The following CUX2 variants were observed in gnomAD, a reference collection of about 807,000 sequenced individuals.
CUX2 encodes the protein homeobox protein cut-like 2.
Under a neutral mutation model 144.8 loss-of-function variants are expected in CUX2, and 40 were observed. The observed-to-expected ratio is 0.28, with a 90% CI of 0.21 to 0.36. CUX2 has a LOEUF of 0.36. Ranked by LOEUF, CUX2 falls within the 10% of genes least tolerant of loss-of-function variation. The pLI is 1.00. For missense variants in CUX2, 1,615 were observed against 1,994.0 expected (o/e 0.81, Z 3.62); for synonymous variants, 827 against 875.6 (o/e 0.94, Z 0.98).
chr12:111,175,718 T>C (rs1374005292), intron 1 of CUX2, among the ~76,000 whole-genome samples: 2 of 152,150 alleles, frequency 1.3e-5, no homozygotes, highest in African/African-American at 4.8e-5. Context: ...CAAGTTTTCT[T>C]TTATCCATGT....
Position 111,039,204 on chromosome 12 carries a change from G to C in CUX2, c.63+4964G>C, listed in dbSNP as rs897777024. Among the ~76,000 whole-genome samples, 1 of 152,162 alleles carries C rather than the reference G, an allele frequency of 6.6e-6. No homozygotes were observed. Among genetic ancestry groups the C allele is most frequent in the Non-Finnish European group, 1.5e-5 (1 of 68,036 alleles). On this transcript the variant is annotated intron_variant, in intron 1 of 21. Transcript: ENST00000261726. The surrounding 1 kb of genome is among the most constrained non-coding windows in gnomAD (Gnocchi z 4.2). Reference sequence around the variant, plus strand: ...AATTCAAAGGCCGGGCCTGGCAGAGGTGAAGCATTGGAAGGGGACTCAGGT... The same window carrying C: ...AATTCAAAGGCCGGGCCTGGCAGAGCTGAAGCATTGGAAGGGGACTCAGGT...
chr12:111,100,083 G>A (rs912004516), intron 1 of CUX2: 1 of 456,662 alleles, frequency 2.2e-6, no homozygotes, highest in East Asian at 7.0e-5. Flanking sequence ...TGGGAGCCTT[G>A]GACGGCTCTG....
intron 1 of CUX2, among the ~76,000 whole-genome samples, chr12:111,088,042 A>G (rs752135581): frequency 6.6e-5 from 10 of 152,190 alleles, no homozygotes; most frequent in Non-Finnish European, 1.0e-4. Context: ...AAAAAAGACT[A>G]TTTCAAAAGG....
intron 9 of CUX2, among the ~76,000 whole-genome samples, chr12:111,301,463 G>T (rs1355926216): frequency 6.6e-6 from 1 of 152,102 alleles, no homozygotes; most frequent in African/African-American, 2.4e-5. Flanking sequence ...GACGCTGGCT[G>T]TTAGCCTCTG....
chr12:111,257,302 C>T (rs1403863015), intron 3 of CUX2, among the ~76,000 whole-genome samples: 20 of 136,904 alleles, frequency 1.5e-4, no homozygotes, highest in Non-Finnish European at 3.2e-4. Context: ...CCCTCTTCCT[C>T]CCACTTCTTC....
At chr12:111,050,145 C>A (rs1433984143) in intron 1 of CUX2, among the ~76,000 whole-genome samples, 2 of 151,930 alleles carry the variant, frequency 1.3e-5, no homozygotes, top group East Asian at 3.9e-4. Flanking sequence ...CTCCCACCCA[C>A]CCTGCCGCTT....
chr12:111,273,630 C>T (rs141543703), intron 4 of CUX2, among the ~76,000 whole-genome samples: 1 of 152,220 alleles, frequency 6.6e-6, no homozygotes, highest in Non-Finnish European at 1.5e-5. Flanking sequence ...GATGTGTGCT[C>T]GAGGAAGAAC....
chr12:111,136,924 G>A (rs11065815), intron 1 of CUX2, among the ~76,000 whole-genome samples: 10,380 of 151,666 alleles, frequency 0.068, 1,174 homozygotes, highest in African/African-American at 0.24. Flanking sequence ...CTAAGAATCC[G>A]CTGTTTATTT....
intron 1 of CUX2, among the ~76,000 whole-genome samples, chr12:111,063,893 ATG>A (rs1202890147): frequency 6.6e-6 from 1 of 152,054 alleles, no homozygotes; most frequent in Admixed American, 6.5e-5. Flanking sequence ...AATTGGGTAA[ATG>A]TGTGTTTACG....
At chr12:111,280,222 G>C (rs911107072) in intron 4 of CUX2, among the ~76,000 whole-genome samples, 1 of 152,222 alleles carries the variant, frequency 6.6e-6, no homozygotes, top group Non-Finnish European at 1.5e-5. Flanking sequence ...CCGGGAGACG[G>C]AGGTTGCAGT....
intron 3 of CUX2, 48 bp downstream of exon 3, chr12:111,217,985 C>G (rs992269535): frequency 1.9e-6 from 3 of 1,605,760 alleles, no homozygotes; most frequent in Non-Finnish European, 2.6e-6. Flanking sequence ...CCCAATGGCT[C>G]CCCCTCCTAT....
chr12:111,057,240 G>C lies in CUX2; in HGVS notation c.63+23000G>C, dbSNP rs1221337109. Among the ~76,000 whole-genome samples, 1 of 152,134 alleles carries C rather than the reference G, an allele frequency of 6.6e-6. No homozygotes were observed. The highest frequency in any genetic ancestry group is 2.4e-5 in the African/African-American group (1 of 41,422). ...TAGCAAGTAAGTGTGACAAGAAATT[G>C]TGTGGGGGAGTCAGTATGACAGGAA... On this transcript the variant is annotated intron_variant, in intron 1 of 21. Coordinates refer to ENST00000261726, the MANE Select transcript of CUX2 (RefSeq NM_015267.4). The surrounding 1 kb of genome is among the most constrained non-coding windows in gnomAD (Gnocchi z 5.1).
chr12:111,198,977 C>T (rs1396440464), intron 1 of CUX2, among the ~76,000 whole-genome samples: 3 of 152,188 alleles, frequency 2.0e-5, no homozygotes, highest in Non-Finnish European at 4.4e-5. Context: ...GGACAAGTTT[C>T]AAGCCAAGGA....
At chr12:111,067,445 G>T (rs1298099738) in intron 1 of CUX2, among the ~76,000 whole-genome samples, 1 of 152,186 alleles carries the variant, frequency 6.6e-6, no homozygotes, top group Non-Finnish European at 1.5e-5. Flanking sequence ...GCAGGGAGAG[G>T]CTAAGAGACA....
Position 111,307,332 on chromosome 12 carries a change from C to G in CUX2, c.1109+75C>G. ...AGGAGCTCTTGGCAAAGTTCATCAT[C>G]TTCCTCCCTCCTACTAAACCCCATT... On this transcript the variant is annotated intron_variant, in intron 12 of 21. Transcript: ENST00000261726. This position sits in a 1 kb window ranked among gnomAD's most constrained non-coding sequence, Gnocchi z 4.1. The G allele has an allele frequency of 7.5e-7, 1 of 1,326,106 alleles. No individual in the cohort carries two copies. The highest frequency in any genetic ancestry group is 1.1e-6 in the Non-Finnish European group (1 of 936,154). 82.1% of individuals were successfully genotyped at this position (1,326,106 alleles called of 1,614,324 possible). A position where few individuals can be genotyped will look rare whatever the true frequency, so the allele number is the denominator to read the frequency against.
intron 1 of CUX2, among the ~76,000 whole-genome samples, chr12:111,111,184 C>A (rs1233046361): frequency 1.3e-5 from 2 of 152,130 alleles, no homozygotes; most frequent in African/African-American, 4.8e-5. Context: ...CACCTGTAAA[C>A]CCAGCTGCTC....
intron 18 of CUX2, among the ~76,000 whole-genome samples, chr12:111,325,603 C>A (rs897183251): frequency 6.8e-6 from 1 of 146,448 alleles, no homozygotes; most frequent in Non-Finnish European, 1.5e-5. Context: ...AGACTTCCAT[C>A]CTTTTTTGTT....
chr12:111,088,774 G>A (rs558906549), intron 1 of CUX2, among the ~76,000 whole-genome samples: 2 of 152,166 alleles, frequency 1.3e-5, no homozygotes, highest in Non-Finnish European at 2.9e-5. Context: ...AACTCTGAGC[G>A]CCTCAGGTTT....
At chr12:111,092,068 T>C (rs1872588778) in intron 1 of CUX2, among the ~76,000 whole-genome samples, 1 of 152,242 alleles carries the variant, frequency 6.6e-6, no homozygotes, top group Non-Finnish European at 1.5e-5. Context: ...TATTTCCAAA[T>C]AAGGTCACAT....
Sources: allele counts gnomAD v4.1 joint callset (sites outside exome capture counted in the v4.1 genomes callset), GRCh38; gene constraint gnomAD v4.1.1; non-coding constraint Gnocchi (gnomAD v3.1); transcripts MANE v1.5; gene names NCBI Gene and HGNC (gene_info 2026-07-23, HGNC 2026-07-21).